Variants in PDE1A observed in about 807,000 individuals in gnomAD.
PDE1A encodes dual specificity calcium/calmodulin-dependent 3',5'-cyclic nucleotide phosphodiesterase 1A.
Under a neutral mutation model 61.7 loss-of-function variants are expected in PDE1A, and 35 were observed. The observed-to-expected ratio is 0.57, with a 90% CI of 0.43 to 0.75. The LOEUF (loss-of-function observed/expected upper bound fraction) is 0.75, where lower values mean the gene tolerates loss of function less well. Ranked by LOEUF, PDE1A falls within the 30% of genes least tolerant of loss-of-function variation. PDE1A has a pLI of 0.00. For synonymous variants in PDE1A, 232 were observed against 213.2 expected, an observed-to-expected ratio of 1.09 and a Z score of -0.77; for missense variants, 597 against 630.6, an observed-to-expected ratio of 0.95 and a Z score of 0.57.
chr2:182,220,108 A>G (rs1456020596), intron 7 of PDE1A, among the ~76,000 whole-genome samples: 1 of 152,078 alleles, frequency 6.6e-6, no homozygotes, highest in Non-Finnish European at 1.5e-5. Flanking sequence ...ATGAAATAAT[A>G]TATGTCTTTA....
chr2:182,326,109 A>C (rs1348300434), intron 1 of PDE1A, among the ~76,000 whole-genome samples: 1 of 148,952 alleles, frequency 6.7e-6, no homozygotes, highest in Admixed American at 6.8e-5. Flanking sequence ...TTAGGATGAC[A>C]AGTATATATA....
chr2:182,154,540 C>T (rs545459628), intron 13 of PDE1A, among the ~76,000 whole-genome samples: 131 of 152,188 alleles, frequency 8.6e-4, no homozygotes, highest in Middle Eastern at 3.4e-3. Flanking sequence ...GGGCAGTTTC[C>T]CCATACTGTT....
At chr2:182,457,084 C>G (rs1685973680) in intron 2 of PDE1A, among the ~76,000 whole-genome samples, 1 of 152,046 alleles carries the variant, frequency 6.6e-6, no homozygotes, top group African/African-American at 2.4e-5. Context: ...TAAGTTGGTA[C>G]ACGTTCCCTT....
the PDE1A span, among the ~76,000 whole-genome samples, chr2:182,643,838 T>C: frequency 2.6e-5 from 4 of 152,128 alleles, no homozygotes; most frequent in African/African-American, 9.7e-5. Flanking sequence ...TAGAAAAATA[T>C]GAGAAAATAA....
chr2:182,240,288 G>A, exon 3 of PDE1A: 1 of 1,550,728 alleles, frequency 6.4e-7, no homozygotes, highest in Non-Finnish European at 8.7e-7. Flanking sequence ...GTATCCAGAA[G>A]TCTTCTACAA....
intron 2 of PDE1A, among the ~76,000 whole-genome samples, chr2:182,486,235 A>G (rs1021470164): frequency 2.6e-5 from 4 of 152,080 alleles, no homozygotes; most frequent in Non-Finnish European, 5.9e-5. Flanking sequence ...ATTCTTAGCA[A>G]TGGGTTAATA....
At chr2:182,658,407 G>T in the PDE1A span, among the ~76,000 whole-genome samples, 1 of 152,186 alleles carries the variant, frequency 6.6e-6, no homozygotes, top group Non-Finnish European at 1.5e-5. Context: ...AAGGACACTG[G>T]TCATTATATT....
chr2:182,524,033 A>G (rs1336937172), upstream of PDE1A, among the ~76,000 whole-genome samples: 1 of 152,172 alleles, frequency 6.6e-6, no homozygotes, highest in Non-Finnish European at 1.5e-5. Context: ...ATCTGAATGT[A>G]ATGTCTTTAG....
Position 182,188,987 on chromosome 2 carries a change from G to T in PDE1A, c.1199C>A (p.Ser400Ter), listed in dbSNP as rs1429325588. The T allele has an allele frequency of 1.2e-6, 2 of 1,609,644 alleles. No individual in the cohort carries two copies. Among genetic ancestry groups the T allele is most frequent in the South Asian group, 2.2e-5 (2 of 90,836 alleles). ...CAAATCATCAGAATTACCTATTTGT[G>T]ACTGGGCCACCATGGTTGACTTCCG... Residue 400 changes from serine to a stop codon, truncating the protein, a stop_gained, in exon 11 of 14, where the codon TCA (serine) becomes TAA (stop). Coordinates refer to ENST00000351439, the Ensembl canonical transcript of PDE1A. LOFTEE classifies it high-confidence loss of function.
intron 1 of PDE1A, among the ~76,000 whole-genome samples, chr2:182,271,034 T>C (rs1223736671): frequency 6.6e-6 from 1 of 151,934 alleles, no homozygotes; most frequent in Non-Finnish European, 1.5e-5. Flanking sequence ...TTTTATAGGA[T>C]AAATAATTCC....
chr2:182,196,092 A>C (rs1686113925), intron 10 of PDE1A, among the ~76,000 whole-genome samples: 1 of 152,096 alleles, frequency 6.6e-6, no homozygotes. Context: ...ATCATATTTC[A>C]GTTTAAGTTT....
the PDE1A span, among the ~76,000 whole-genome samples, chr2:182,679,350 A>ATTTTTTTTTTTTTTTT: frequency 7.5e-5 from 9 of 119,436 alleles, no homozygotes; most frequent in African/African-American, 1.6e-4. Context: ...TGCTCAGCTA[A>ATTTTTTTTTTTTTTTT]TTTTTTTTTT....
At chr2:182,205,638 G>A (rs759360822) in intron 8 of PDE1A, among the ~76,000 whole-genome samples, 2 of 152,114 alleles carry the variant, frequency 1.3e-5, no homozygotes, top group African/African-American at 2.4e-5. Flanking sequence ...GATAAAAATT[G>A]AGCAGAGCTC....
intron 2 of PDE1A, among the ~76,000 whole-genome samples, chr2:182,470,460 A>T (rs978899897): frequency 4.0e-5 from 6 of 151,866 alleles, no homozygotes; most frequent in African/African-American, 1.4e-4. Context: ...CTATTATAGA[A>T]ATAGCTATTT....
At chr2:182,694,470 A>T in the PDE1A span, among the ~76,000 whole-genome samples, 2 of 152,210 alleles carry the variant, frequency 1.3e-5, no homozygotes, top group Non-Finnish European at 2.9e-5. Flanking sequence ...AGAAGCGGTA[A>T]CGAAGCCTAC....
intron 1 of PDE1A, among the ~76,000 whole-genome samples, chr2:182,348,563 T>C (rs1394642560): frequency 6.6e-6 from 1 of 152,124 alleles, no homozygotes; most frequent in Non-Finnish European, 1.5e-5. Flanking sequence ...CTATTTCTCC[T>C]GTCTTTGACA....
intron 2 of PDE1A, among the ~76,000 whole-genome samples, chr2:182,514,797 C>A (rs1690030117): frequency 6.6e-6 from 1 of 152,086 alleles, no homozygotes; most frequent in Admixed American, 6.5e-5. Context: ...GCAATTGCAA[C>A]AAAAACACAA....
chr2:182,190,844 T>A (rs1028918551), intron 10 of PDE1A, among the ~76,000 whole-genome samples: 1 of 151,954 alleles, frequency 6.6e-6, no homozygotes, highest in Non-Finnish European at 1.5e-5. Flanking sequence ...CAGTCCCAGC[T>A]ACTCAGGAGG....
intron 2 of PDE1A, among the ~76,000 whole-genome samples, chr2:182,446,989 A>G (rs1394247976): frequency 6.6e-6 from 1 of 151,944 alleles, no homozygotes; most frequent in Non-Finnish European, 1.5e-5. Context: ...TACATAGTAA[A>G]CCTGCACAAA....
Sources: gnomAD v4.1 joint callset for allele counts (sites outside exome capture counted in the v4.1 genomes callset) on GRCh38, gnomAD v4.1.1 for gene constraint, MANE v1.5 for transcripts, NCBI Gene and HGNC (gene_info 2026-07-23, HGNC 2026-07-21) for gene names.